KDM4C: variants seen among roughly 807,000 people sequenced by gnomAD.
KDM4C encodes the protein lysine-specific demethylase 4C.
A neutral mutation model predicts 129.3 loss-of-function variants in KDM4C; 81 were observed. That is an observed-to-expected ratio of 0.63 (90% confidence interval 0.52 to 0.75). KDM4C has a LOEUF of 0.75. Among genes scored for constraint, KDM4C ranks in the 30% least tolerant of loss-of-function variants. The pLI is 0.00. For missense variants in KDM4C, 1,457 were observed against 1,304.0 expected (o/e 1.12, Z -1.81); for synonymous variants, 573 against 456.1 (o/e 1.26, Z -3.26).
At chr9:7,169,521 A>G (rs1212027217) in intron 20 of KDM4C, among the ~76,000 whole-genome samples, 3 of 151,984 alleles carry the variant, frequency 2.0e-5, no homozygotes, top group Non-Finnish European at 2.9e-5. Flanking sequence ...TTTTTGTTAG[A>G]CAGGGTTTCA....
intron 15 of KDM4C, among the ~76,000 whole-genome samples, chr9:7,041,873 T>G (rs1289729577): frequency 2.0e-5 from 3 of 152,036 alleles, no homozygotes; most frequent in East Asian, 1.9e-4. Flanking sequence ...TTAAGAACTA[T>G]GGAATATCTT....
At chr9:7,111,432 G>A (rs1353756697) in intron 18 of KDM4C, among the ~76,000 whole-genome samples, 1 of 152,166 alleles carries the variant, frequency 6.6e-6, no homozygotes, top group Non-Finnish European at 1.5e-5. Flanking sequence ...CATTTTGGAT[G>A]AGAGATGTGC....
At chr9:6,972,108 A>T (rs766377332) in intron 8 of KDM4C, among the ~76,000 whole-genome samples, 2 of 152,144 alleles carry the variant, frequency 1.3e-5, no homozygotes, top group Non-Finnish European at 2.9e-5. Flanking sequence ...AACAATGGGT[A>T]CGAAATAAAA....
At chr9:6,905,994 G>A (rs1044039587) in intron 8 of KDM4C, among the ~76,000 whole-genome samples, 1 of 152,116 alleles carries the variant, frequency 6.6e-6, no homozygotes, top group Admixed American at 6.5e-5. Flanking sequence ...TGGAGAATCT[G>A]GAGCCCAGAT....
At chr9:7,030,975 C>G (rs1001657883) in intron 15 of KDM4C, among the ~76,000 whole-genome samples, 3 of 151,912 alleles carry the variant, frequency 2.0e-5, no homozygotes, top group Non-Finnish European at 4.4e-5. Context: ...TTTTACTCTG[C>G]AGAATCATAA....
intron 4 of KDM4C, among the ~76,000 whole-genome samples, chr9:6,841,856 C>G (rs1217555933): frequency 6.6e-6 from 1 of 152,230 alleles, no homozygotes; most frequent in Non-Finnish European, 1.5e-5. Context: ...TCTGCTGCCT[C>G]ACAGAGACTT....
At chr9:6,940,704 C>T (rs1406175861) in intron 8 of KDM4C, among the ~76,000 whole-genome samples, 2 of 152,008 alleles carry the variant, frequency 1.3e-5, no homozygotes, top group South Asian at 2.1e-4. Flanking sequence ...GTATTTGAAC[C>T]GAATATTCAT....
At chr9:7,147,585 A>T (rs1211211446) in intron 19 of KDM4C, among the ~76,000 whole-genome samples, 5 of 152,144 alleles carry the variant, frequency 3.3e-5, no homozygotes, top group Non-Finnish European at 7.4e-5. Context: ...AATCTTTCCT[A>T]TATAGATGGA....
chr9:6,867,911 A>G (rs1054935781), intron 5 of KDM4C, among the ~76,000 whole-genome samples: 1 of 152,222 alleles, frequency 6.6e-6, no homozygotes, highest in Non-Finnish European at 1.5e-5. Flanking sequence ...CTTACATGGA[A>G]TCCAAATCTT....
chr9:6,804,632 C>A (rs1829633515), intron 2 of KDM4C, among the ~76,000 whole-genome samples: 1 of 151,798 alleles, frequency 6.6e-6, no homozygotes, highest in South Asian at 2.1e-4. Context: ...GTGGCAGGCG[C>A]CTGTAATCCT....
At chr9:7,109,743 G>C (rs1388605581) in intron 18 of KDM4C, among the ~76,000 whole-genome samples, 1 of 152,070 alleles carries the variant, frequency 6.6e-6, no homozygotes, top group African/African-American at 2.4e-5. Context: ...TGATGTTCTT[G>C]CTCCCCTTGG....
chr9:6,801,293 C>T (rs899242944), intron 2 of KDM4C, among the ~76,000 whole-genome samples: 3 of 130,390 alleles, frequency 2.3e-5, no homozygotes, highest in African/African-American at 9.0e-5. Flanking sequence ...TCGCTCTGTC[C>T]CCAGGCTGGA....
chr9:7,129,822 G>A (rs1840423629), intron 19 of KDM4C, among the ~76,000 whole-genome samples: 1 of 152,118 alleles, frequency 6.6e-6, no homozygotes, highest in Admixed American at 6.5e-5. Flanking sequence ...CATGAACTCA[G>A]TTCATCCTCA....
intron 15 of KDM4C, among the ~76,000 whole-genome samples, chr9:7,039,412 T>C (rs1393133226): frequency 6.6e-6 from 1 of 152,008 alleles, no homozygotes; most frequent in Non-Finnish European, 1.5e-5. Context: ...GGTTGATTTC[T>C]AAAAATATAA....
Position 6,986,393 on chromosome 9 carries a change from T to A in KDM4C, c.1404T>A (p.Asp468Glu). Residue 468 changes from aspartate to glutamate, a missense_variant, in exon 11 of 22, where the codon GAT (aspartate) becomes GAA (glutamate). By Grantham distance (45) the Asp-to-Glu change is conservative. Transcript: ENST00000381309. ...TAACAGAAGACATAAAAACTGAGGATGACAAAGCTTATGCATATAGAAGTG... is the reference window on the plus strand; with the variant it reads ...TAACAGAAGACATAAAAACTGAGGAAGACAAAGCTTATGCATATAGAAGTG... ...TSVTEDIKTE[D>E]DKAYAYRSVP... 1.2e-6 allele frequency: 2 copies of A among 1,613,830 alleles called. No individual in the cohort carries two copies. The highest frequency in any genetic ancestry group is 1.7e-6 in the Non-Finnish European group (2 of 1,179,786).
intron 1 of KDM4C, among the ~76,000 whole-genome samples, chr9:6,776,704 A>C (rs1305712793): frequency 6.6e-6 from 1 of 151,148 alleles, no homozygotes. Flanking sequence ...TCCTGGGTTC[A>C]AGCGATTCTT....
intron 8 of KDM4C, among the ~76,000 whole-genome samples, chr9:6,899,362 C>G (rs1554633695): frequency 6.6e-6 from 1 of 151,782 alleles, no homozygotes; most frequent in Non-Finnish European, 1.5e-5. Context: ...TTTTTTTAAA[C>G]TTTTATTTTT....
intron 5 of KDM4C, among the ~76,000 whole-genome samples, chr9:6,865,653 G>C (rs1841814463): frequency 6.6e-6 from 1 of 152,036 alleles, no homozygotes; most frequent in African/African-American, 2.4e-5. Flanking sequence ...TGTAACCTCC[G>C]CCTCCCAGTT....
intron 21 of KDM4C, 114 bp from the exon 22 acceptor site, chr9:7,174,439 G>C: frequency 1.1e-6 from 1 of 946,288 alleles, no homozygotes; most frequent in South Asian, 1.5e-5. Context: ...TTTAGCCTGA[G>C]CTGGTGACCT....
Sources: allele counts gnomAD v4.1 joint callset (sites outside exome capture counted in the v4.1 genomes callset), GRCh38; gene constraint gnomAD v4.1.1; transcripts MANE v1.5; gene names NCBI Gene and HGNC (gene_info 2026-07-23, HGNC 2026-07-21).